TRPC4: variants seen among roughly 807,000 people sequenced by gnomAD.
TRPC4 encodes transient receptor potential cation channel subfamily C member 4.
In TRPC4, 49 loss-of-function variants were observed where a neutral mutation model predicts 99.4. That is an observed-to-expected ratio of 0.49 (90% CI 0.39 to 0.63). The LOEUF is 0.63. TRPC4 is among the 20% of genes least tolerant of loss of function. The pLI, the probability that TRPC4 is intolerant of heterozygous loss-of-function variation, is 0.00. For synonymous variants in TRPC4, 454 were observed against 425.9 expected, an observed-to-expected ratio of 1.07 and a Z score of -0.81; for missense variants, 898 against 1,152.9, an observed-to-expected ratio of 0.78 and a Z score of 3.20.
chr13:37,864,889 G>A (rs1959635050), intron 1 of TRPC4, among the ~76,000 whole-genome samples: 1 of 151,702 alleles, frequency 6.6e-6, no homozygotes, highest in South Asian at 2.1e-4. Context: ...TAGACAGAGG[G>A]AGCTTTGCCA....
intron 8 of TRPC4, among the ~76,000 whole-genome samples, chr13:37,646,691 A>G (rs1313875448): frequency 6.6e-6 from 1 of 152,124 alleles, no homozygotes; most frequent in Non-Finnish European, 1.5e-5. Context: ...TAAAATGGAG[A>G]CTCCTGACAA....
At chr13:37,730,704 C>T (rs1029117) in intron 3 of TRPC4, among the ~76,000 whole-genome samples, 71,520 of 151,798 alleles carry the variant, frequency 0.47, 18,470 homozygotes, top group Non-Finnish European at 0.59. Flanking sequence ...TTAAAATAAA[C>T]GCCACAGTAT....
intron 3 of TRPC4, among the ~76,000 whole-genome samples, chr13:37,738,246 A>C (rs2139118961): frequency 6.6e-6 from 1 of 152,344 alleles, no homozygotes; most frequent in South Asian, 2.1e-4. Context: ...CAGGGTGGAT[A>C]GTGAGGCATG....
chr13:37,736,736 T>C (rs1274487498), intron 3 of TRPC4, among the ~76,000 whole-genome samples: 2 of 151,966 alleles, frequency 1.3e-5, no homozygotes, highest in African/African-American at 4.8e-5. Context: ...AACTTTTTTC[T>C]TTTTCTTTTT....
chr13:37,665,860 A>G (rs901475030), intron 5 of TRPC4, among the ~76,000 whole-genome samples: 3 of 151,622 alleles, frequency 2.0e-5, no homozygotes, highest in Non-Finnish European at 4.4e-5. Flanking sequence ...AAAAAAAAAA[A>G]AAATACATAA....
intron 3 of TRPC4, among the ~76,000 whole-genome samples, chr13:37,716,882 T>C (rs114789936): frequency 0.011 from 1,680 of 152,232 alleles, 26 homozygotes; most frequent in African/African-American, 0.038. Flanking sequence ...ACGTCTGAGT[T>C]CTTAAAGTGT....
intron 1 of TRPC4, among the ~76,000 whole-genome samples, chr13:37,787,237 C>T (rs2139369731): frequency 6.6e-6 from 1 of 152,010 alleles, no homozygotes; most frequent in East Asian, 1.9e-4. Context: ...CCCTAGTTGA[C>T]TGTGAAAAGA....
intron 3 of TRPC4, among the ~76,000 whole-genome samples, chr13:37,736,261 T>C (rs191374487): frequency 3.3e-5 from 5 of 152,224 alleles, no homozygotes; most frequent in Admixed American, 2.0e-4. Flanking sequence ...GTGATCCATA[T>C]TGCCTCTGCC....
chr13:37,706,992 AAC>A (rs1954302218), intron 3 of TRPC4, among the ~76,000 whole-genome samples: 1 of 152,162 alleles, frequency 6.6e-6, no homozygotes, highest in African/African-American at 2.4e-5. Flanking sequence ...TTCTTGTGTA[AAC>A]AGACATATGC....
rs1198304321 is a variant in TRPC4, at chr13:37,637,496, T to C, written c.2341A>G (p.Ser781Gly). Residue 781 changes from serine to glycine, a missense_variant, in exon 11 of 11, where the codon AGT (serine) becomes GGT (glycine). This residue lies in a region of TRPC4 where 346 missense variants were observed against 351.4 expected (regional missense o/e 0.98). Coordinates refer to ENST00000379705, the MANE Select transcript of TRPC4 (RefSeq NM_016179.4). The part of the protein sequence containing the change: ...SSNSADSDEK[S>G]DSEGNSKDKK... ...TCCTTGCTATTACCTTCGCTATCACTCTTTTCATCTGAGTCTGCCGAATTT... is the reference window on the plus strand; with the variant it reads ...TCCTTGCTATTACCTTCGCTATCACCCTTTTCATCTGAGTCTGCCGAATTT... The C allele has an allele frequency of 6.2e-7, 1 of 1,613,702 alleles. No individual in the cohort carries two copies. Among genetic ancestry groups the C allele is most frequent in the African/African-American group, 1.3e-5 (1 of 74,910 alleles).
Position 37,683,470 on chromosome 13 carries a change from G to A in TRPC4, c.1234+8529C>T, listed in dbSNP as rs186732073. ...TGTTAGGGTTCCAGGACCTCGTTAG[G>A]GATTGACTGCTGGTTACAGGAGTGG... On this transcript the variant is annotated intron_variant, in intron 4 of 10. Coordinates refer to ENST00000379705, the MANE Select transcript of TRPC4 (RefSeq NM_016179.4). Among the ~76,000 whole-genome samples the A allele has an allele frequency of 1.9e-3, 294 of 152,206 alleles. 1 individual carries two copies. Among genetic ancestry groups the A allele is most frequent in the African/African-American group, 6.7e-3 (278 of 41,526 alleles).
At chr13:37,748,495 C>A (rs1955846982) in intron 2 of TRPC4, among the ~76,000 whole-genome samples, 1 of 150,062 alleles carries the variant, frequency 6.7e-6, no homozygotes, top group Admixed American at 6.7e-5. Context: ...AAAAAAATAA[C>A]AGTGTGAAAG....
Position 37,730,706 on chromosome 13 carries a change from C to T in TRPC4, c.897+15231G>A, listed in dbSNP as rs556870104. Among the ~76,000 whole-genome samples the T allele has an allele frequency of 1.1e-4, 17 of 152,040 alleles. No individual in the cohort carries two copies. The South Asian group carries it at 3.3e-3, about 30-fold the overall frequency. ...GGTCTCCAAGATATTAAAATAAACGCCACAGTATTCAGGCATTAAATATGC... is the reference window on the plus strand; with the variant it reads ...GGTCTCCAAGATATTAAAATAAACGTCACAGTATTCAGGCATTAAATATGC... On this transcript the variant is annotated intron_variant, in intron 3 of 10. Transcript: ENST00000379705.
chr13:37,776,323 C>T (rs955715880), intron 2 of TRPC4, among the ~76,000 whole-genome samples: 4 of 151,794 alleles, frequency 2.6e-5, no homozygotes, highest in Non-Finnish European at 4.4e-5. Flanking sequence ...AAGAAACTTT[C>T]CTATTGATAA....
intron 1 of TRPC4, among the ~76,000 whole-genome samples, chr13:37,849,775 C>T (rs1046394598): frequency 5.9e-5 from 9 of 152,138 alleles, no homozygotes; most frequent in South Asian, 2.1e-4. Flanking sequence ...GAGCTGAGAC[C>T]GTGCTGTGTT....
intron 2 of TRPC4, among the ~76,000 whole-genome samples, chr13:37,780,391 T>C (rs1956808340): frequency 6.6e-6 from 1 of 152,068 alleles, no homozygotes; most frequent in Non-Finnish European, 1.5e-5. Context: ...ATTGTTGTTT[T>C]CAGGTTTTAT....
chr13:37,731,000 A>G (rs962462577), intron 3 of TRPC4, among the ~76,000 whole-genome samples: 2 of 152,022 alleles, frequency 1.3e-5, no homozygotes, highest in Admixed American at 1.3e-4. Context: ...ACTTACAACC[A>G]GATGTCAAAG....
chr13:37,842,371 G>GAAAAAAAAAAAAAAAAAAAAAAAAAAAAA (rs1958766303), intron 1 of TRPC4, among the ~76,000 whole-genome samples: 2 of 54,414 alleles, frequency 3.7e-5, no homozygotes, highest in Non-Finnish European at 7.5e-5. Context: ...AAAAAAAAAA[G>GAAAAAAAAAAAAAAAAAAAAAAAAAAAAA]GAAAAGGAAA....
At position 37,861,313 on chromosome 13, in the gene TRPC4, C is replaced by A. The variant is rs192767951; in HGVS notation, c.-28+8282G>T. On this transcript the variant is annotated intron_variant, in intron 1 of 10. Transcript: ENST00000379705. The stretch of plus-strand genomic sequence containing the variant: ...AATGTTTAATTTAAAAACAGATCTT[C>A]TGCATTTGATGTTGCCAATAATTAT... Among the ~76,000 whole-genome samples the A allele has an allele frequency of 2.1e-3, 323 of 151,602 alleles. 4 individuals are homozygous for A. Among genetic ancestry groups the A allele is most frequent in the African/African-American group, 7.6e-3 (317 of 41,492 alleles).
Sources: gnomAD v4.1 joint callset for allele counts (sites outside exome capture counted in the v4.1 genomes callset) on GRCh38, gnomAD v4.1.1 for gene constraint, gnomAD v4.1.1 regional missense constraint, MANE v1.5 for transcripts, NCBI Gene and HGNC (gene_info 2026-07-23, HGNC 2026-07-21) for gene names.